The following MED29 variants were observed in gnomAD, a reference collection of about 807,000 sequenced individuals.
MED29 encodes the protein mediator complex subunit 29, also known as mediator of RNA polymerase II transcription subunit 29.
A neutral mutation model predicts 22.0 loss-of-function variants in MED29; 14 were observed. That is an observed-to-expected ratio of 0.64 (90% confidence interval 0.42 to 0.99). The LOEUF is 0.99. MED29 is among the 50% of genes least tolerant of loss of function. The pLI is 0.00. For missense variants in MED29, 241 were observed against 253.7 expected, an observed-to-expected ratio of 0.95 and a Z score of 0.34; for synonymous variants, 123 against 107.8, an observed-to-expected ratio of 1.14 and a Z score of -0.87.
At position 39,398,074 on chromosome 19, in the gene MED29, TTG is replaced by T. The variant is rs1272205436; in HGVS notation, c.*379_*380del. On this transcript the variant is annotated 3_prime_UTR_variant, in exon 4 of 4. Transcript: ENST00000315588. ...CCACTCCTCTGTGTCTCTATTACAG[TTG>T]TGTCTCTCTCATCCTGTCTCTTTTT... is the stretch of plus-strand genomic sequence containing the variant. 2.2e-6 allele frequency: 1 copy of T among 450,962 alleles called. No individual in the cohort carries two copies. The highest frequency in any genetic ancestry group is 3.8e-5 in the Admixed American group (1 of 26,140). The allele number at this position is 450,962 out of a possible 1,614,324, so 27.9% of individuals were successfully genotyped here. A position where few individuals can be genotyped will look rare whatever the true frequency, so the allele number is the denominator to read the frequency against.
In MED29 at chr19:39,397,799, G is replaced by GC. The variant is rs760345657; in HGVS notation, c.*102dup. On this transcript the variant is annotated 3_prime_UTR_variant, in exon 4 of 4. Transcript: ENST00000315588. ...AAACACAGCAGCCTCCTCTCTTCCT[G>GC]CCTGAGCACCGCAGCGGGAGCCAGC... The GC allele has an allele frequency of 1.3e-6, 2 of 1,493,528 alleles. No individual in the cohort carries two copies. The highest frequency in any genetic ancestry group is 1.8e-6 in the Non-Finnish European group (2 of 1,119,638). The allele number at this position is 1,493,528 out of a possible 1,614,324, so 92.5% of individuals were successfully genotyped here. A position where few individuals can be genotyped will look rare whatever the true frequency, so the allele number is the denominator to read the frequency against.
chr19:39,398,054 C>CCT lies in MED29; in HGVS notation c.*358_*359dup. 2.0e-6 allele frequency: 1 copy of CCT among 505,132 alleles called. No individual in the cohort carries two copies. The highest frequency in any genetic ancestry group is 1.9e-5 in the African/African-American group (1 of 52,698). 31.3% of individuals were successfully genotyped at this position (505,132 alleles called of 1,614,324 possible). A position where few individuals can be genotyped will look rare whatever the true frequency, so the allele number is the denominator to read the frequency against. ...TGGGAGGTGGTCTCTGTGTGCCACT[C>CCT]CTCTGTGTCTCTATTACAGTTGTGT... is the stretch of plus-strand genomic sequence containing the variant. On this transcript the variant is annotated 3_prime_UTR_variant, in exon 4 of 4. Coordinates refer to ENST00000315588, the MANE Select transcript of MED29 (RefSeq NM_017592.4).
chr19:39,392,535 C>T lies in MED29; in HGVS notation c.275+13C>T, dbSNP rs193168490. On this transcript the variant is annotated intron_variant, in intron 2 of 3. Transcript: ENST00000315588. ...TCGACAATGGACAGTGAGTGCAGCC[C>T]CCTTTACCAGGATATTCTATTGCCT... 7.2e-5 allele frequency: 116 copies of T among 1,612,846 alleles called. No homozygotes were observed. The African/African-American group carries it at 1.1e-3, about 15-fold the overall frequency.
chr19:39,392,592 C>T (rs1211802952), intron 2 of MED29, 70 bp downstream of exon 2: 5 of 1,370,906 alleles, frequency 3.6e-6, no homozygotes, highest in Non-Finnish European at 3.1e-6. Context: ...TTTCCTTCTC[C>T]TGCTCCCCGC....
rs1234983764 is a variant in MED29 at position 39,400,395 on chromosome 19, G to T, written c.*2696G>T. The stretch of plus-strand genomic sequence containing the variant: ...TGTTTTTTTAAAAAAAGAAGTGGAG[G>T]TGTTTACACCAGCAAAATACTCATT... On this transcript the variant is annotated 3_prime_UTR_variant, in exon 4 of 4. Transcript: ENST00000315588. 1 of 152,108 alleles carries T rather than the reference G, an allele frequency of 6.6e-6. No individual in the cohort carries two copies. The highest frequency in any genetic ancestry group is 2.4e-5 in the African/African-American group (1 of 41,400). The allele number at this position is 152,108 out of a possible 1,614,324, so 9.4% of individuals were successfully genotyped here.
Position 39,392,379 on chromosome 19 carries a change from T to G in MED29, c.217-85T>G, listed in dbSNP as rs1335664260. On this transcript the variant is annotated intron_variant, in intron 1 of 3. Coordinates refer to ENST00000315588, the MANE Select transcript of MED29 (RefSeq NM_017592.4). ...GTTGAAAAGAAAACCTGAGACTGAG[T>G]GATCTCAAGAAAGAGTGTAGATCTG... The G allele has an allele frequency of 4.2e-6, 5 of 1,191,274 alleles. No homozygotes were observed. In the African/African-American group the frequency reaches 4.5e-5, roughly 11 times the overall value. The allele number at this position is 1,191,274 out of a possible 1,614,324, so 73.8% of individuals were successfully genotyped here.
intron 2 of MED29, among the ~76,000 whole-genome samples, chr19:39,393,072 C>CTTTCT (rs1271723083): frequency 7.0e-4 from 60 of 86,134 alleles, no homozygotes; most frequent in South Asian, 4.3e-3. Context: ...TTCTTTCTTT[C>CTTTCT]TTTCTTTTCT....
At position 39,398,035 on chromosome 19, in the gene MED29, G is replaced by A. The variant is rs2078439815; in HGVS notation, c.*336G>A. Reference sequence around the variant, plus strand: ...CTTCCTGACTGTCTCCAGCTGGGAGGTGGTCTCTGTGTGCCACTCCTCTGT... The same window carrying A: ...CTTCCTGACTGTCTCCAGCTGGGAGATGGTCTCTGTGTGCCACTCCTCTGT... On this transcript the variant is annotated 3_prime_UTR_variant, in exon 4 of 4. Transcript: ENST00000315588. The A allele has an allele frequency of 1.9e-6, 1 of 519,598 alleles. No individual in the cohort carries two copies. Among genetic ancestry groups the A allele is most frequent in the Non-Finnish European group, 3.4e-6 (1 of 291,364 alleles). The allele number at this position is 519,598 out of a possible 1,614,324, so 32.2% of individuals were successfully genotyped here. A position where few individuals can be genotyped will look rare whatever the true frequency, so the allele number is the denominator to read the frequency against.
At chr19:39,392,842 C>T (rs2078401810) in intron 2 of MED29, 2 of 276,988 alleles carry the variant, frequency 7.2e-6, no homozygotes, top group Non-Finnish European at 6.7e-6. Flanking sequence ...GCTATGTTTC[C>T]CAGGCTGGTC....
intron 3 of MED29, among the ~76,000 whole-genome samples, chr19:39,397,028 CAA>C (rs776751725): frequency 9.4e-6 from 1 of 106,498 alleles, no homozygotes. Flanking sequence ...AACTCCATCT[CAA>C]AAAAAAAAAA....
chr19:39,394,013 TAGAC>T (rs1339725210), intron 3 of MED29, among the ~76,000 whole-genome samples: 1 of 151,994 alleles, frequency 6.6e-6, no homozygotes. Flanking sequence ...AGGCTACTGC[TAGAC>T]AGCACATCTG....
intron 3 of MED29, among the ~76,000 whole-genome samples, chr19:39,394,904 G>A (rs11672863): frequency 0.42 from 62,450 of 148,932 alleles, 14,150 homozygotes; most frequent in African/African-American, 0.57. Context: ...TGTGTCGCCC[G>A]GGCTGGACTG....
intron 3 of MED29, among the ~76,000 whole-genome samples, chr19:39,395,643 GC>G (rs1479803686): frequency 6.6e-6 from 1 of 152,206 alleles, no homozygotes; most frequent in Non-Finnish European, 1.5e-5. Flanking sequence ...CTGTCACTGG[GC>G]CCGGTGATTC....
intron 2 of MED29, chr19:39,392,845 G>A: frequency 3.7e-6 from 1 of 271,846 alleles, no homozygotes; most frequent in Admixed American, 5.2e-5. Flanking sequence ...ATGTTTCCCA[G>A]GCTGGTCTCA....
intron 2 of MED29, among the ~76,000 whole-genome samples, chr19:39,392,974 T>A (rs1043604183): frequency 6.6e-6 from 1 of 151,720 alleles, no homozygotes; most frequent in African/African-American, 2.4e-5. Context: ...GGTCTCAAAC[T>A]CCTGGGTTCA....
intron 2 of MED29, among the ~76,000 whole-genome samples, chr19:39,393,214 G>C (rs1417773153): frequency 6.9e-6 from 1 of 145,850 alleles, no homozygotes; most frequent in Admixed American, 7.0e-5. Flanking sequence ...TCCTGCCTCG[G>C]CCTCCCAAGT....
rs752714266 is a variant in MED29, at chr19:39,397,457, C to T, written c.361C>T (p.Arg121Cys). 17 of 1,602,776 alleles carry T rather than the reference C, an allele frequency of 1.1e-5. No individual in the cohort carries two copies. The highest frequency in any genetic ancestry group is 4.0e-5 in the African/African-American group (3 of 74,888). Reference sequence around the variant, plus strand: ...TGTCCCCTTGCCTGCCTGTCCACAGCGCCTGGCGCATGAGTGCCTGTCACA... The same window carrying T: ...TGTCCCCTTGCCTGCCTGTCCACAGTGCCTGGCGCATGAGTGCCTGTCACA... ...ALCDQLELCL[R>C]LAHECLSQSC... Residue 121 changes from arginine to cysteine, a missense_variant and splice_region_variant, in exon 4 of 4, where the codon CGC (arginine) becomes TGC (cysteine). Arg to Cys is a radical substitution (Grantham distance 180). Coordinates refer to ENST00000315588, the MANE Select transcript of MED29 (RefSeq NM_017592.4).
Position 39,400,305 on chromosome 19 carries a change from G to A in MED29, c.*2606G>A, listed in dbSNP as rs918667056. 6.6e-6 allele frequency: 1 copy of A among 152,232 alleles called. No homozygotes were observed. The highest frequency in any genetic ancestry group is 1.5e-5 in the Non-Finnish European group (1 of 68,038). 9.4% of individuals were successfully genotyped at this position (152,232 alleles called of 1,614,324 possible). A position where few individuals can be genotyped will look rare whatever the true frequency, so the allele number is the denominator to read the frequency against. ...AGAGGTGGGAGGATGCCTTGAGCTT[G>A]AGAGGTTGAAGCTGCAGTGAGCTGT... is the stretch of plus-strand genomic sequence containing the variant. On this transcript the variant is annotated 3_prime_UTR_variant, in exon 4 of 4. Transcript: ENST00000315588.
chr19:39,391,476 G>T lies in MED29; in HGVS notation c.54G>T (p.Ser18=). ...CGGCTTCCTCAGCTGCTGGTGTATC[G>T]GGTCCTAGTTCGGCTGGCGGCCCGG... ...ASAASSAAGV[S]GPSSAGGPGP... The change falls in exon 1 of 4, where the codon TCG becomes TCT. Residue 18 remains serine, a synonymous_variant. Coordinates refer to ENST00000315588, the MANE Select transcript of MED29 (RefSeq NM_017592.4). 6.2e-7 allele frequency: 1 copy of T among 1,613,468 alleles called. No individual in the cohort carries two copies. The highest frequency in any genetic ancestry group is 8.5e-7 in the Non-Finnish European group (1 of 1,179,896).
Sources: gnomAD v4.1 joint callset for allele counts (sites outside exome capture counted in the v4.1 genomes callset) on GRCh38, gnomAD v4.1.1 for gene constraint, MANE v1.5 for transcripts, NCBI Gene and HGNC (gene_info 2026-07-23, HGNC 2026-07-21) for gene names.